CCSER1: variants seen among roughly 807,000 people sequenced by gnomAD.
The protein encoded by CCSER1 is serine-rich coiled-coil domain-containing protein 1.
A neutral mutation model predicts 82.0 loss-of-function variants in CCSER1; 41 were observed. That is an observed-to-expected ratio of 0.50 (90% confidence interval 0.39 to 0.65). CCSER1 has a LOEUF of 0.65. Ranked by LOEUF, CCSER1 falls within the 30% of genes least tolerant of loss-of-function variation. The probability of loss-of-function intolerance (pLI) is 0.00; values close to 1 mark genes in which losing one functional copy is unlikely to be tolerated. For missense variants in CCSER1, 1,119 were observed against 1,064.2 expected (o/e 1.05, Z -0.72); for synonymous variants, 414 against 383.9 (o/e 1.08, Z -0.92).
At chr4:90,290,040 G>A (rs1578983985) in intron 1 of CCSER1, among the ~76,000 whole-genome samples, 1 of 151,758 alleles carries the variant, frequency 6.6e-6, no homozygotes, top group East Asian at 1.9e-4. Flanking sequence ...GGGTACATGT[G>A]ATATTGGATA....
intron 10 of CCSER1, among the ~76,000 whole-genome samples, chr4:91,437,640 G>A (rs1395021883): frequency 6.6e-6 from 1 of 152,192 alleles, no homozygotes; most frequent in Non-Finnish European, 1.5e-5. Flanking sequence ...AGGACAGTGG[G>A]TGCAGCGCAC....
intron 10 of CCSER1, among the ~76,000 whole-genome samples, chr4:91,171,420 A>C (rs1347007220): frequency 6.6e-6 from 1 of 152,236 alleles, no homozygotes; most frequent in Non-Finnish European, 1.5e-5. Context: ...AGCTTCCTAA[A>C]TTAATGCTGA....
chr4:90,683,415 A>G (rs12501156), intron 6 of CCSER1, among the ~76,000 whole-genome samples: 23,168 of 152,014 alleles, frequency 0.15, 1,968 homozygotes, highest in East Asian at 0.28. Flanking sequence ...TCCATCTTAT[A>G]TACCCTCTAT....
At chr4:91,439,995 G>C (rs1239108111) in intron 10 of CCSER1, among the ~76,000 whole-genome samples, 7 of 151,732 alleles carry the variant, frequency 4.6e-5, no homozygotes, top group Non-Finnish European at 1.0e-4. Context: ...GAGAGACTTA[G>C]ACTCCCACGC....
intron 5 of CCSER1, among the ~76,000 whole-genome samples, chr4:90,524,817 C>G (rs943201043): frequency 6.6e-6 from 1 of 151,976 alleles, no homozygotes; most frequent in Non-Finnish European, 1.5e-5. Flanking sequence ...CTCATTTGTC[C>G]TCGCATGCTC....
intron 5 of CCSER1, among the ~76,000 whole-genome samples, chr4:90,592,677 T>C (rs1353391671): frequency 6.6e-6 from 1 of 152,192 alleles, no homozygotes; most frequent in African/African-American, 2.4e-5. Context: ...ATGCTTCTCA[T>C]TATTTTGTGT....
At chr4:90,399,964 C>T in intron 3 of CCSER1, 72 bp from the exon 4 acceptor site, 1 of 751,958 alleles carries the variant, frequency 1.3e-6, no homozygotes, top group Non-Finnish European at 2.2e-6. Context: ...TGCTTCACGG[C>T]TTCCACATAT....
intron 1 of CCSER1, among the ~76,000 whole-genome samples, chr4:90,252,527 G>A (rs891638065): frequency 3.3e-5 from 5 of 151,272 alleles, no homozygotes; most frequent in African/African-American, 1.2e-4. Flanking sequence ...ATATATTTAA[G>A]GGATACATGA....
intron 10 of CCSER1, among the ~76,000 whole-genome samples, chr4:91,517,722 C>T (rs547140600): frequency 2.3e-4 from 35 of 150,492 alleles, no homozygotes; most frequent in African/African-American, 7.4e-4. Flanking sequence ...AGAGTTCTTA[C>T]GCTGGTTCTT....
intron 1 of CCSER1, among the ~76,000 whole-genome samples, chr4:90,188,241 T>G (rs1734973844): frequency 6.6e-6 from 1 of 151,892 alleles, no homozygotes; most frequent in South Asian, 2.1e-4. Flanking sequence ...ATCTTTTAAT[T>G]TTATTTTTAT....
At chr4:91,014,790 G>T (rs1053494498) in intron 9 of CCSER1, among the ~76,000 whole-genome samples, 1 of 152,140 alleles carries the variant, frequency 6.6e-6, no homozygotes, top group Non-Finnish European at 1.5e-5. Context: ...AACAAATAGT[G>T]TAAAGGCATA....
chr4:91,560,738 CT>C (rs1560764274), intron 10 of CCSER1, among the ~76,000 whole-genome samples: 1 of 151,394 alleles, frequency 6.6e-6, no homozygotes, highest in Non-Finnish European at 1.5e-5. Context: ...ATCTAGCCTA[CT>C]TTTCCTGTGA....
chr4:91,437,505 A>T (rs546574422), intron 10 of CCSER1, among the ~76,000 whole-genome samples: 1 of 152,364 alleles, frequency 6.6e-6, no homozygotes, highest in African/African-American at 2.4e-5. Context: ...GGCAGCCAAG[A>T]TGGCCGAATA....
intron 5 of CCSER1, among the ~76,000 whole-genome samples, chr4:90,535,674 A>G (rs942818857): frequency 1.2e-4 from 19 of 152,338 alleles, no homozygotes; most frequent in East Asian, 7.7e-4. Context: ...ATATACATTA[A>G]TGATAGAATA....
chr4:90,277,074 CT>C (rs796661106), intron 1 of CCSER1, among the ~76,000 whole-genome samples: 19 of 148,534 alleles, frequency 1.3e-4, no homozygotes, highest in Admixed American at 2.7e-4. Context: ...ATTTGGATGC[CT>C]TTTTTTTTTC....
chr4:90,525,753 C>T (rs1006230657), intron 5 of CCSER1, among the ~76,000 whole-genome samples: 2 of 152,066 alleles, frequency 1.3e-5, no homozygotes, highest in Non-Finnish European at 2.9e-5. Context: ...ATCCTTCTAC[C>T]TCAGCCTCCC....
chr4:91,366,771 A>T (rs1012124041), intron 10 of CCSER1, among the ~76,000 whole-genome samples: 2 of 152,228 alleles, frequency 1.3e-5, no homozygotes, highest in Admixed American at 1.3e-4. Context: ...TAGTAACACT[A>T]TACCATTTGC....
chr4:91,006,999 T>A (rs548783298), intron 9 of CCSER1, among the ~76,000 whole-genome samples: 1 of 152,224 alleles, frequency 6.6e-6, no homozygotes, highest in African/African-American at 2.4e-5. Flanking sequence ...AACATAGAAT[T>A]TTCTCAAATG....
chr4:90,134,406 C>T (rs1339312297), intron 1 of CCSER1, among the ~76,000 whole-genome samples: 5 of 152,270 alleles, frequency 3.3e-5, no homozygotes, highest in African/African-American at 9.6e-5. Context: ...GATGGAGGAC[C>T]TGCAAGGCTG....
Sources: gnomAD v4.1 joint callset for allele counts (sites outside exome capture counted in the v4.1 genomes callset) on GRCh38, gnomAD v4.1.1 for gene constraint, MANE v1.5 for transcripts, NCBI Gene and HGNC (gene_info 2026-07-23, HGNC 2026-07-21) for gene names.